The following FAM91A1 variants were observed in gnomAD, a reference collection of about 807,000 sequenced individuals.
FAM91A1 encodes the protein protein FAM91A1.
A neutral mutation model predicts 113.5 loss-of-function variants in FAM91A1; 41 were observed. That is an observed-to-expected ratio of 0.36 (90% CI 0.28 to 0.47). The LOEUF (loss-of-function observed/expected upper bound fraction) is 0.47. Ranked by LOEUF, FAM91A1 falls within the 20% of genes least tolerant of loss-of-function variation. The pLI is 1.00. For synonymous variants in FAM91A1, 307 were observed against 347.9 expected (o/e 0.88, Z 1.31); for missense variants, 696 against 1,001.2 (o/e 0.70, Z 4.11).
chr8:123,796,453 G>A (rs1815522163), intron 15 of FAM91A1, among the ~76,000 whole-genome samples: 1 of 144,218 alleles, frequency 6.9e-6, no homozygotes, highest in South Asian at 2.1e-4. Flanking sequence ...AAGGTAGGGA[G>A]TGAAGGGCTT....
chr8:123,794,342 A>G (rs1354036069), intron 15 of FAM91A1, among the ~76,000 whole-genome samples: 4 of 152,266 alleles, frequency 2.6e-5, no homozygotes, highest in African/African-American at 7.2e-5. Flanking sequence ...AGTCTATTTT[A>G]TCATTTATTA....
Position 123,786,508 on chromosome 8 carries a change from C to A in FAM91A1, c.976C>A (p.Pro326Thr), listed in dbSNP as rs781015643. 6.2e-7 allele frequency: 1 copy of A among 1,612,994 alleles called. No individual in the cohort carries two copies. Among genetic ancestry groups the A allele is most frequent in the Non-Finnish European group, 8.5e-7 (1 of 1,179,416 alleles). The change falls in exon 12 of 24, where the codon CCA becomes ACA. Residue 326 changes from proline to threonine, a missense_variant. By Grantham distance (38) the Pro-to-Thr change is conservative. Coordinates refer to ENST00000334705, the MANE Select transcript of FAM91A1 (RefSeq NM_144963.4). ...CTTCATTAATAGGAGTACCTTAGAT[C>A]CACAGAAGATGCTCTTGTCATGGGA... ...SVNRLKSTLD[P>T]QKMLLSWDGG... is the part of the protein sequence containing the mutation.
chr8:123,785,130 TTTATACTC>T lies in FAM91A1; in HGVS notation c.849+12_849+19del. 1.3e-6 allele frequency: 2 copies of T among 1,581,766 alleles called. No individual in the cohort carries two copies. The highest frequency in any genetic ancestry group is 1.7e-6 in the Non-Finnish European group (2 of 1,165,336). On this transcript the variant is annotated intron_variant, in intron 10 of 23. Coordinates refer to ENST00000334705, the MANE Select transcript of FAM91A1 (RefSeq NM_144963.4). ...TTATCCCTGGTTAAGGTATGTTATTTTTATACTCATTTACTGGTGATGTGATAACTGAG... is the reference window on the plus strand; with the variant it reads ...TTATCCCTGGTTAAGGTATGTTATTTATTTACTGGTGATGTGATAACTGAG...
At chr8:123,775,382 A>G (rs1331013660) in intron 3 of FAM91A1, 84 bp downstream of exon 3, 1 of 1,508,688 alleles carries the variant, frequency 6.6e-7, no homozygotes, top group Non-Finnish European at 9.0e-7. Context: ...CCAGCTCTTC[A>G]GCTGTCGTCT....
rs1173570240 is a variant in FAM91A1, at chr8:123,787,162, T to G, written c.1079-99T>G. 5 of 898,740 alleles carry G rather than the reference T, an allele frequency of 5.6e-6. No individual in the cohort carries two copies. The East Asian group carries it at 7.8e-5, about 14-fold the overall frequency. The allele number at this position is 898,740 out of a possible 1,614,324, so 55.7% of individuals were successfully genotyped here. A position where few individuals can be genotyped will look rare whatever the true frequency, so the allele number is the denominator to read the frequency against. ...AGTGCCTTTTTAAAATTATGTACTT[T>G]CTGGTTATCAAATAAAGCTGAAATG... On this transcript the variant is annotated intron_variant, in intron 12 of 23. Coordinates refer to ENST00000334705, the MANE Select transcript of FAM91A1 (RefSeq NM_144963.4).
chr8:123,772,795 A>G (rs1814886771), intron 1 of FAM91A1, among the ~76,000 whole-genome samples: 1 of 152,246 alleles, frequency 6.6e-6, no homozygotes, highest in Non-Finnish European at 1.5e-5. Flanking sequence ...ACAGTTGATG[A>G]ACACATATTT....
At chr8:123,787,799 C>T (rs1011135234) in intron 14 of FAM91A1, 49 bp downstream of exon 14, 2 of 1,444,454 alleles carry the variant, frequency 1.4e-6, no homozygotes. Flanking sequence ...TGGAATCTGT[C>T]CTTGCTTGAC....
Position 123,814,199 on chromosome 8 carries a change from A to G in FAM91A1, c.*1495A>G. On this transcript the variant is annotated 3_prime_UTR_variant, in exon 24 of 24. Coordinates refer to ENST00000334705, the MANE Select transcript of FAM91A1 (RefSeq NM_144963.4). The stretch of plus-strand genomic sequence containing the variant: ...CCATGTGTATGTTATGTTTGTCTAT[A>G]AAAGAAAAAATACTAATATTAAATA... 1 of 384,874 alleles carries G rather than the reference A, an allele frequency of 2.6e-6. No individual in the cohort carries two copies. Among genetic ancestry groups the G allele is most frequent in the South Asian group, 2.0e-5 (1 of 50,198 alleles). The allele number at this position is 384,874 out of a possible 1,614,324, so 23.8% of individuals were successfully genotyped here. A position where few individuals can be genotyped will look rare whatever the true frequency, so the allele number is the denominator to read the frequency against.
rs1233832329 is a variant in FAM91A1, at chr8:123,798,067, G to A, written c.1412-23G>A. The A allele has an allele frequency of 3.1e-6, 5 of 1,602,992 alleles. No individual in the cohort carries two copies. In the African/African-American group the frequency reaches 4.0e-5, roughly 13 times the overall value. ...TCACACTCTCAGTCTTTTATTCTGT[G>A]TGTGTGCTTGATCATAACTCAGGTT... On this transcript the variant is annotated intron_variant, in intron 15 of 23. Transcript: ENST00000334705.
Position 123,814,061 on chromosome 8 carries a change from C to T in FAM91A1, c.*1357C>T. 1 of 328,562 alleles carries T rather than the reference C, an allele frequency of 3.0e-6. No homozygotes were observed. 20.4% of individuals were successfully genotyped at this position (328,562 alleles called of 1,614,324 possible). A position where few individuals can be genotyped will look rare whatever the true frequency, so the allele number is the denominator to read the frequency against. On this transcript the variant is annotated 3_prime_UTR_variant, in exon 24 of 24. Coordinates refer to ENST00000334705, the MANE Select transcript of FAM91A1 (RefSeq NM_144963.4). ...TTAACCATGCATTCAATACCATGGC[C>T]TATCTATAGAATTGAATATTTTGGA...
At position 123,799,546 on chromosome 8, in the gene FAM91A1, C is replaced by T. The variant is rs375848112; in HGVS notation, c.1587C>T (p.Val529=). ...PQHIGPAIPE[V]SSVWFKLYIY... is the part of the protein sequence containing the mutation. ...ATATTGGACCAGCTATCCCAGAAGT[C>T]AGCTCTGTCTGGTTTAAACTGTACA... is the stretch of plus-strand genomic sequence containing the variant. The change falls in exon 17 of 24, where the codon GTC becomes GTT. Residue 529 remains valine, a synonymous_variant. Transcript: ENST00000334705. 2.0e-5 allele frequency: 32 copies of T among 1,612,878 alleles called. No homozygotes were observed. The highest frequency in any genetic ancestry group is 2.5e-5 in the Non-Finnish European group (30 of 1,179,758).
intron 18 of FAM91A1, among the ~76,000 whole-genome samples, chr8:123,801,850 C>T (rs531641144): frequency 2.0e-5 from 3 of 151,348 alleles, no homozygotes; most frequent in East Asian, 1.9e-4. Flanking sequence ...GTGCCCAGCA[C>T]GGTGCTTGGG....
intron 9 of FAM91A1, 75 bp from the exon 10 acceptor site, chr8:123,785,006 T>G: frequency 1.8e-6 from 2 of 1,090,336 alleles, no homozygotes. Flanking sequence ...ATTATGATTA[T>G]ATTGGTCTAT....
chr8:123,798,562 T>C (rs1351999962), intron 16 of FAM91A1, among the ~76,000 whole-genome samples: 1 of 152,208 alleles, frequency 6.6e-6, no homozygotes, highest in Non-Finnish European at 1.5e-5. Flanking sequence ...AAGTTAAATG[T>C]CTTCGAAGTG....
rs746930486 is a variant in FAM91A1, at chr8:123,798,016, A to G, written c.1412-74A>G. On this transcript the variant is annotated intron_variant, in intron 15 of 23. Coordinates refer to ENST00000334705, the MANE Select transcript of FAM91A1 (RefSeq NM_144963.4). ...AATTTAAAATCTTAAGTCAGTTATC[A>G]ATATTGCATCTTCAACATTTTTGTT... The G allele has an allele frequency of 6.1e-6, 9 of 1,471,490 alleles. No individual in the cohort carries two copies. The South Asian group carries it at 6.6e-5, about 11-fold the overall frequency. The allele number at this position is 1,471,490 out of a possible 1,614,324, so 91.2% of individuals were successfully genotyped here. A position where few individuals can be genotyped will look rare whatever the true frequency, so the allele number is the denominator to read the frequency against.
At chr8:123,786,638 G>A in intron 12 of FAM91A1, 28 bp downstream of exon 12, 8 of 1,544,180 alleles carry the variant, frequency 5.2e-6, no homozygotes, top group Non-Finnish European at 7.2e-6. Context: ...TTAACATAGA[G>A]TCTGTCTGTA....
rs1251296358 is a variant in FAM91A1 at position 123,778,013 on chromosome 8, T to G, written c.368-12T>G. On this transcript the variant is annotated splice_polypyrimidine_tract_variant and intron_variant, in intron 4 of 23. Transcript: ENST00000334705. Reference sequence around the variant, plus strand: ...TGTTAAATGTTTTTAAAGGAAAGACTCTTTTTTTCAGGTCTAAGGCTTCTT... The same window carrying G: ...TGTTAAATGTTTTTAAAGGAAAGACGCTTTTTTTCAGGTCTAAGGCTTCTT... 1 of 1,608,582 alleles carries G rather than the reference T, an allele frequency of 6.2e-7. No homozygotes were observed. The highest frequency in any genetic ancestry group is 8.5e-7 in the Non-Finnish European group (1 of 1,176,174).
At chr8:123,789,906 T>C (rs889691752) in intron 15 of FAM91A1, among the ~76,000 whole-genome samples, 161 bp downstream of exon 15, 1 of 152,238 alleles carries the variant, frequency 6.6e-6, no homozygotes, top group African/African-American at 2.4e-5. Context: ...TTCTTGCTTG[T>C]TAACTGTTTC....
chr8:123,804,754 A>C (rs2130148759), intron 18 of FAM91A1, among the ~76,000 whole-genome samples: 1 of 152,274 alleles, frequency 6.6e-6, no homozygotes, highest in South Asian at 2.1e-4. Context: ...CCTCCATTGA[A>C]GATATGTCTC....
Sources: gnomAD v4.1 joint callset for allele counts (sites outside exome capture counted in the v4.1 genomes callset) on GRCh38, gnomAD v4.1.1 for gene constraint, MANE v1.5 for transcripts, NCBI Gene and HGNC (gene_info 2026-07-23, HGNC 2026-07-21) for gene names.